The following ADAMTSL3 variants were observed in gnomAD, a reference collection of about 807,000 sequenced individuals.
ADAMTSL3 encodes ADAMTS like 3.
In ADAMTSL3, 128 loss-of-function variants were observed where a neutral mutation model predicts 201.7. The ratio of observed to expected loss-of-function variants is 0.63; its 90% CI spans 0.55 to 0.73. ADAMTSL3 has a LOEUF of 0.73. ADAMTSL3 is among the 30% of genes least tolerant of loss of function. The probability of loss-of-function intolerance (pLI) is 0.00; values close to 1 mark genes in which losing one functional copy is unlikely to be tolerated. For missense variants in ADAMTSL3, 1,990 were observed against 2,119.6 expected (o/e 0.94, Z 1.20); for synonymous variants, 738 against 748.4 (o/e 0.99, Z 0.23).
chr15:83,798,814 A>C (rs1430636733), intron 4 of ADAMTSL3, among the ~76,000 whole-genome samples: 1 of 151,172 alleles, frequency 6.6e-6, no homozygotes, highest in Non-Finnish European at 1.5e-5. Context: ...CTCAAAAAAA[A>C]AAAAAAAAAA....
intron 8 of ADAMTSL3, among the ~76,000 whole-genome samples, chr15:83,863,650 C>A (rs1408131979): frequency 2.6e-5 from 4 of 152,082 alleles, no homozygotes; most frequent in Admixed American, 1.3e-4. Context: ...TAAATGCCCA[C>A]AAGAGAAAGC....
At chr15:83,852,878 A>G (rs1045192521) in intron 7 of ADAMTSL3, among the ~76,000 whole-genome samples, 3 of 152,126 alleles carry the variant, frequency 2.0e-5, no homozygotes, top group Non-Finnish European at 2.9e-5. Flanking sequence ...GGGGCTGGAA[A>G]TGGAGTCTCA....
At chr15:83,655,588 A>C (rs2061069943) in intron 1 of ADAMTSL3, 141 bp from the exon 2 acceptor site, 1 of 626,738 alleles carries the variant, frequency 1.6e-6, no homozygotes, top group Non-Finnish European at 2.8e-6. Flanking sequence ...TGCAGTAGGC[A>C]GCGGCAACCT....
Position 83,817,940 on chromosome 15 carries a change from C to T in ADAMTSL3, c.364-1871C>T, listed in dbSNP as rs111682970. ...GCGGGCACCTGTAATCCCAGCTACTCGAGAGGCTGAGACAGGAGAATCACT... is the reference window on the plus strand; with the variant it reads ...GCGGGCACCTGTAATCCCAGCTACTTGAGAGGCTGAGACAGGAGAATCACT... On this transcript the variant is annotated intron_variant, in intron 5 of 29. Transcript: ENST00000286744. Among the ~76,000 whole-genome samples, 1,290 of 152,124 alleles carry T rather than the reference C, an allele frequency of 8.5e-3. 20 individuals are homozygous for T. Among genetic ancestry groups the T allele is most frequent in the African/African-American group, 0.029 (1,188 of 41,492 alleles).
At chr15:83,720,093 C>T (rs1476596974) in intron 3 of ADAMTSL3, among the ~76,000 whole-genome samples, 2 of 152,222 alleles carry the variant, frequency 1.3e-5, no homozygotes, top group Non-Finnish European at 2.9e-5. Flanking sequence ...GTGGCTTATG[C>T]CTGTAATCCC....
intron 8 of ADAMTSL3, among the ~76,000 whole-genome samples, chr15:83,869,545 C>A (rs1020678263): frequency 6.6e-6 from 1 of 152,190 alleles, no homozygotes; most frequent in Non-Finnish European, 1.5e-5. Context: ...TCAGGGATGT[C>A]TCCTAAGGCC....
At chr15:83,955,457 G>A (rs905819378) in intron 19 of ADAMTSL3, among the ~76,000 whole-genome samples, 2 of 151,968 alleles carry the variant, frequency 1.3e-5, no homozygotes, top group Admixed American at 6.6e-5. Flanking sequence ...AATGCTGTCC[G>A]AAAGCCTAGG....
chr15:83,783,805 G>A (rs898420542), intron 4 of ADAMTSL3, among the ~76,000 whole-genome samples: 4 of 150,476 alleles, frequency 2.7e-5, no homozygotes, highest in African/African-American at 9.8e-5. Flanking sequence ...AAAAAAGGAA[G>A]AGCAAATTTT....
intron 6 of ADAMTSL3, among the ~76,000 whole-genome samples, chr15:83,820,481 A>G (rs1006933218): frequency 3.3e-5 from 5 of 152,224 alleles, no homozygotes; most frequent in African/African-American, 1.2e-4. Flanking sequence ...TTCAGTAGGT[A>G]AAAGGGATGG....
chr15:83,932,676 C>T (rs1340085063), intron 17 of ADAMTSL3, among the ~76,000 whole-genome samples: 1 of 152,164 alleles, frequency 6.6e-6, no homozygotes, highest in Admixed American at 6.5e-5. Flanking sequence ...TATATTCACT[C>T]TATGTGATCC....
chr15:84,014,320 G>A (rs1306851171), intron 23 of ADAMTSL3, among the ~76,000 whole-genome samples: 1 of 152,072 alleles, frequency 6.6e-6, no homozygotes, highest in African/African-American at 2.4e-5. Context: ...ACTTATATGT[G>A]TAAACCAGTC....
intron 23 of ADAMTSL3, among the ~76,000 whole-genome samples, chr15:83,999,091 T>C (rs2067741841): frequency 6.6e-6 from 1 of 152,214 alleles, no homozygotes; most frequent in Non-Finnish European, 1.5e-5. Context: ...AAAAAAAAAT[T>C]CCCATAATCC....
At chr15:83,762,014 T>G (rs2062815068) in intron 3 of ADAMTSL3, among the ~76,000 whole-genome samples, 1 of 152,126 alleles carries the variant, frequency 6.6e-6, no homozygotes, top group Non-Finnish European at 1.5e-5. Flanking sequence ...GGCCCGTGGT[T>G]TCTTTTGTGT....
intron 7 of ADAMTSL3, among the ~76,000 whole-genome samples, chr15:83,858,368 A>G (rs2064784929): frequency 6.6e-6 from 1 of 152,142 alleles, no homozygotes; most frequent in African/African-American, 2.4e-5. Context: ...TGTGATTTCC[A>G]AAGATTTATT....
At chr15:83,755,070 C>G (rs1271373659) in intron 3 of ADAMTSL3, among the ~76,000 whole-genome samples, 2 of 152,140 alleles carry the variant, frequency 1.3e-5, no homozygotes, top group African/African-American at 2.4e-5. Flanking sequence ...ATTAAATGCT[C>G]ACCACCATTC....
At chr15:83,809,255 A>G (rs1480123744) in intron 5 of ADAMTSL3, among the ~76,000 whole-genome samples, 1 of 152,214 alleles carries the variant, frequency 6.6e-6, no homozygotes, top group African/African-American at 2.4e-5. Flanking sequence ...CCCCATAAAT[A>G]TGTGCAATTT....
At chr15:83,655,938 C>T (rs1011209147) in intron 2 of ADAMTSL3, 108 bp downstream of exon 2, 4 of 1,128,438 alleles carry the variant, frequency 3.5e-6, no homozygotes, top group Non-Finnish European at 2.6e-6. Context: ...TAATCCTACA[C>T]CAGAGAACCA....
intron 7 of ADAMTSL3, among the ~76,000 whole-genome samples, chr15:83,847,352 G>A (rs2064519625): frequency 6.6e-6 from 1 of 152,132 alleles, no homozygotes; most frequent in Non-Finnish European, 1.5e-5. Flanking sequence ...AATCAGTGTT[G>A]CTACCCATTG....
At chr15:83,775,121 C>T (rs895062890) in intron 4 of ADAMTSL3, among the ~76,000 whole-genome samples, 2 of 152,216 alleles carry the variant, frequency 1.3e-5, no homozygotes, top group African/African-American at 2.4e-5. Flanking sequence ...GCTGGGATTA[C>T]AGGCTTGAGC....
Sources: allele counts gnomAD v4.1 joint callset (sites outside exome capture counted in the v4.1 genomes callset), GRCh38; gene constraint gnomAD v4.1.1; transcripts MANE v1.5; gene names NCBI Gene and HGNC (gene_info 2026-07-23, HGNC 2026-07-21).